The following SNX31 variants were observed in gnomAD, a reference collection of about 807,000 sequenced individuals.
The protein encoded by SNX31 is sorting nexin-31.
SNX31 carries 58 observed loss-of-function variants against 65.4 expected under a neutral mutation model. The observed-to-expected ratio is 0.89, with a 90% confidence interval of 0.72 to 1.10. The LOEUF is 1.10. Ranked by LOEUF, SNX31 falls within the 50% of genes least tolerant of loss-of-function variation. SNX31 has a pLI of 0.00. For synonymous variants in SNX31, 181 were observed against 190.1 expected, an observed-to-expected ratio of 0.95 and a Z score of 0.39; for missense variants, 523 against 529.7, an observed-to-expected ratio of 0.99 and a Z score of 0.12.
chr8:100,637,096 T>A (rs917886302), intron 2 of SNX31, among the ~76,000 whole-genome samples: 1 of 152,190 alleles, frequency 6.6e-6, no homozygotes, highest in Non-Finnish European at 1.5e-5. Context: ...TGATCCCAAG[T>A]AGAAACCAGC....
At chr8:100,658,554 C>T (rs1181779632) in intron 1 of SNX31, among the ~76,000 whole-genome samples, 2 of 152,134 alleles carry the variant, frequency 1.3e-5, no homozygotes, top group South Asian at 2.1e-4. Flanking sequence ...AATATTACTT[C>T]ACTTGATCCA....
At position 100,573,828 on chromosome 8, in the gene SNX31, T is replaced by C. The variant is rs753527944; in HGVS notation, c.*37A>G. The stretch of plus-strand genomic sequence containing the variant: ...CCCAAGTTCTTTCACTGTCTTGAGA[T>C]AGCCTCCAAGGATATTTTAAAATAT... On this transcript the variant is annotated 3_prime_UTR_variant, in exon 14 of 14. Coordinates refer to ENST00000311812, the MANE Select transcript of SNX31 (RefSeq NM_152628.4). The C allele has an allele frequency of 7.1e-7, 1 of 1,417,702 alleles. No individual in the cohort carries two copies. The highest frequency in any genetic ancestry group is 9.7e-7 in the Non-Finnish European group (1 of 1,028,790). The allele number at this position is 1,417,702 out of a possible 1,614,324, so 87.8% of individuals were successfully genotyped here.
At chr8:100,628,283 A>T (rs1818179067) in intron 4 of SNX31, among the ~76,000 whole-genome samples, 1 of 152,200 alleles carries the variant, frequency 6.6e-6, no homozygotes, top group Admixed American at 6.6e-5. Context: ...ATAAAGACAC[A>T]CACACACATA....
intron 11 of SNX31, among the ~76,000 whole-genome samples, chr8:100,587,657 G>A (rs1427266970): frequency 6.6e-6 from 1 of 152,218 alleles, no homozygotes; most frequent in African/African-American, 2.4e-5. Flanking sequence ...CACATGGGTG[G>A]CTGAGGTAGT....
Position 100,577,031 on chromosome 8 carries a change from A to G in SNX31, c.1215T>C (p.Ile405=). Residue 405 remains isoleucine, a synonymous_variant, in exon 13 of 14, where the codon ATT becomes ATC. Coordinates refer to ENST00000311812, the MANE Select transcript of SNX31 (RefSeq NM_152628.4). ...TTTACTCACAGACCTGGCTTTGTTG[A>G]ATGTGGTATTTTTTACTTTTGCTTT... The part of the protein sequence containing the change: ...PEQSKSKKYH[I]QQSQQKDYSS... 1 of 1,613,384 alleles carries G rather than the reference A, an allele frequency of 6.2e-7. No individual in the cohort carries two copies. The highest frequency in any genetic ancestry group is 8.5e-7 in the Non-Finnish European group (1 of 1,179,686).
intron 4 of SNX31, among the ~76,000 whole-genome samples, chr8:100,628,453 A>G (rs1198464111): frequency 6.6e-6 from 1 of 152,190 alleles, no homozygotes; most frequent in East Asian, 1.9e-4. Context: ...ACATGGATGA[A>G]GCTGGAAACC....
Position 100,577,071 on chromosome 8 carries a change from A to G in SNX31, c.1175T>C (p.Ile392Thr), listed in dbSNP as rs192328926. Residue 392 changes from isoleucine (I) to threonine (T), a missense_variant, in exon 13 of 14, where the codon ATT (isoleucine) becomes ACT (threonine). Transcript: ENST00000311812. ...KLAAENTEMQ[I>T]EVPEQSKSKK... The stretch of plus-strand genomic sequence containing the variant: ...ACTTTTGCTTTGTTCCGGAACTTCA[A>G]TCTGCTAGATAGATTAGTGAAATGT... 32 of 1,613,536 alleles carry G rather than the reference A, an allele frequency of 2.0e-5. No individual in the cohort carries two copies. In the Admixed American group the frequency reaches 3.5e-4, roughly 18 times the overall value.
chr8:100,640,460 G>T (rs1338117884), intron 2 of SNX31, among the ~76,000 whole-genome samples: 1 of 151,450 alleles, frequency 6.6e-6, no homozygotes. Flanking sequence ...TTCTCAAAAA[G>T]GGGGAGCATA....
intron 12 of SNX31, among the ~76,000 whole-genome samples, chr8:100,579,373 G>T (rs898947330): frequency 6.6e-6 from 1 of 152,148 alleles, no homozygotes; most frequent in Non-Finnish European, 1.5e-5. Context: ...TTTTCATAAT[G>T]CAGTATTCCT....
At chr8:100,652,273 C>T (rs138294405), upstream of SNX31, among the ~76,000 whole-genome samples, 8 of 152,150 alleles carry the variant, frequency 5.3e-5, no homozygotes, top group African/African-American at 9.7e-5. Flanking sequence ...CCACCGCGCC[C>T]GGCCCACAGG....
chr8:100,653,553 G>C (rs954813497), upstream of SNX31, among the ~76,000 whole-genome samples: 2 of 152,198 alleles, frequency 1.3e-5, no homozygotes, highest in African/African-American at 4.8e-5. Context: ...GCCAAGAAGC[G>C]CCTCAGGCCA....
chr8:100,619,682 G>C (rs552588120), intron 4 of SNX31: 1 of 152,400 alleles, frequency 6.6e-6, no homozygotes, highest in Admixed American at 6.5e-5. Context: ...AGGCGATGCT[G>C]TCAGTCCACA....
At chr8:100,589,934 T>A (rs1295718822) in intron 10 of SNX31, among the ~76,000 whole-genome samples, 1 of 152,264 alleles carries the variant, frequency 6.6e-6, no homozygotes, top group Non-Finnish European at 1.5e-5. Context: ...AGTGGACAAG[T>A]AATTCTCTAT....
chr8:100,593,568 C>T (rs1441707992), intron 10 of SNX31, among the ~76,000 whole-genome samples: 1 of 152,126 alleles, frequency 6.6e-6, no homozygotes, highest in East Asian at 1.9e-4. Flanking sequence ...ATTCTCCTGC[C>T]TCAGCCTCCC....
intron 4 of SNX31, among the ~76,000 whole-genome samples, chr8:100,623,064 T>A (rs1386905316): frequency 6.6e-6 from 1 of 152,174 alleles, no homozygotes; most frequent in East Asian, 1.9e-4. Context: ...GTAATTTTTA[T>A]AAAGAAAAGA....
chr8:100,633,490 T>C (rs1458398826), intron 3 of SNX31, among the ~76,000 whole-genome samples: 1 of 151,844 alleles, frequency 6.6e-6, no homozygotes, highest in Non-Finnish European at 1.5e-5. Flanking sequence ...TGCAGCCTCC[T>C]CCTCCCGGGT....
In SNX31 at chr8:100,648,513, A is replaced by G. The variant is rs1819801098; in HGVS notation, c.141+761T>C. On this transcript the variant is annotated intron_variant, in intron 2 of 13. Transcript: ENST00000311812. The surrounding 1 kb of genome is among the most constrained non-coding windows in gnomAD (Gnocchi z 4.3). The stretch of plus-strand genomic sequence containing the variant: ...ATGTGCTGTTTATAACCTAAAATCT[A>G]AAACAAAAAAACAAAAATCACTATT... Among the ~76,000 whole-genome samples the G allele has an allele frequency of 6.6e-6, 1 of 152,150 alleles. No homozygotes were observed. Among genetic ancestry groups the G allele is most frequent in the Non-Finnish European group, 1.5e-5 (1 of 68,022 alleles).
At chr8:100,595,432 C>T (rs1410244642) in intron 10 of SNX31, among the ~76,000 whole-genome samples, 2 of 151,936 alleles carry the variant, frequency 1.3e-5, no homozygotes, top group African/African-American at 2.4e-5. Flanking sequence ...CCTCAGCCTC[C>T]CCAGTAGCTG....
intron 1 of SNX31, among the ~76,000 whole-genome samples, chr8:100,659,293 TGAG>T (rs1437393769): frequency 7.2e-6 from 1 of 138,922 alleles, no homozygotes; most frequent in Non-Finnish European, 1.5e-5. Context: ...TTGCAGGAGC[TGAG>T]ATCACACCAC....
Sources: gnomAD v4.1 joint callset for allele counts (sites outside exome capture counted in the v4.1 genomes callset) on GRCh38, gnomAD v4.1.1 for gene constraint, Gnocchi (gnomAD v3.1) non-coding constraint, MANE v1.5 for transcripts, NCBI Gene and HGNC (gene_info 2026-07-23, HGNC 2026-07-21) for gene names.